The following NDUFAF6 variants were observed in gnomAD, a reference collection of about 807,000 sequenced individuals.
The protein encoded by NDUFAF6 is NADH:ubiquinone oxidoreductase complex assembly factor 6.
In NDUFAF6, 45 loss-of-function variants were observed where a neutral mutation model predicts 40.8. The observed-to-expected ratio is 1.10, with a 90% CI of 0.87 to 1.42. The LOEUF (loss-of-function observed/expected upper bound fraction) is 1.42. Ranked by LOEUF, NDUFAF6 falls within the 40% of genes most tolerant of loss-of-function variation. The pLI, the probability that NDUFAF6 is intolerant of heterozygous loss-of-function variation, is 0.00. For missense variants in NDUFAF6, 435 were observed against 418.5 expected, an observed-to-expected ratio of 1.04 and a Z score of -0.34; for synonymous variants, 185 against 155.9, an observed-to-expected ratio of 1.19 and a Z score of -1.39.
chr8:95,096,885 G>A (rs1185935471), upstream of NDUFAF6, among the ~76,000 whole-genome samples: 2 of 152,186 alleles, frequency 1.3e-5, no homozygotes, highest in Non-Finnish European at 2.9e-5. Flanking sequence ...GAAGGGGTTG[G>A]TTCTGTGTTT....
chr8:95,047,237 C>CT, intron 6 of NDUFAF6, 110 bp downstream of exon 6: 1 of 1,431,852 alleles, frequency 7.0e-7, no homozygotes, highest in Non-Finnish European at 9.7e-7. Flanking sequence ...GAAAGGAATG[C>CT]TTATTGCTTA....
At chr8:95,101,487 T>C (rs1809645504) in intron 2 of NDUFAF6, among the ~76,000 whole-genome samples, 1 of 152,182 alleles carries the variant, frequency 6.6e-6, no homozygotes, top group Admixed American at 6.5e-5. Flanking sequence ...CATTCCATTA[T>C]TGAACACTGA....
At chr8:94,908,743 A>G (rs888818277) in intron 1 of NDUFAF6, among the ~76,000 whole-genome samples, 1 of 152,204 alleles carries the variant, frequency 6.6e-6, no homozygotes, top group African/African-American at 2.4e-5. Context: ...GAGTCTTGCA[A>G]CAACTCTATG....
At chr8:95,054,152 G>T (rs1216251866) in intron 8 of NDUFAF6, among the ~76,000 whole-genome samples, 2 of 151,774 alleles carry the variant, frequency 1.3e-5, no homozygotes, top group African/African-American at 4.8e-5. Flanking sequence ...TCAGTATGTT[G>T]TCCAGGCTGG....
intron 2 of NDUFAF6, among the ~76,000 whole-genome samples, chr8:95,005,391 C>T (rs1826918481): frequency 6.6e-6 from 1 of 151,826 alleles, no homozygotes; most frequent in African/African-American, 2.4e-5. Flanking sequence ...TGGAATACCA[C>T]AGCAGATTTT....
intron 3 of NDUFAF6, among the ~76,000 whole-genome samples, chr8:95,035,898 C>T (rs1010786945): frequency 3.9e-5 from 6 of 152,328 alleles, no homozygotes; most frequent in Admixed American, 1.3e-4. Flanking sequence ...GTAAAATGTT[C>T]TGTTCTCTCT....
chr8:95,103,890 C>T (rs533106788), downstream of NDUFAF6, among the ~76,000 whole-genome samples: 4 of 152,294 alleles, frequency 2.6e-5, no homozygotes, highest in South Asian at 8.3e-4. Flanking sequence ...ATTGGGCTTA[C>T]CATTAAGGCT....
At chr8:94,903,788 T>G (rs1247582546) in intron 1 of NDUFAF6, among the ~76,000 whole-genome samples, 1 of 152,194 alleles carries the variant, frequency 6.6e-6, no homozygotes, top group Non-Finnish European at 1.5e-5. Flanking sequence ...AACTTGTTAG[T>G]TTTTAAGGCG....
At chr8:95,021,683 T>C (rs1827697909), upstream of NDUFAF6, among the ~76,000 whole-genome samples, 1 of 152,238 alleles carries the variant, frequency 6.6e-6, no homozygotes, top group African/African-American at 2.4e-5. Context: ...AGGGACAGCA[T>C]CTTTTGTTAT....
intron 1 of NDUFAF6, among the ~76,000 whole-genome samples, chr8:94,937,174 C>T (rs918154064): frequency 6.6e-6 from 1 of 152,154 alleles, no homozygotes. Context: ...ACACACTATA[C>T]AGCCCATAAT....
At chr8:95,027,406 C>G (rs1394018051) in intron 1 of NDUFAF6, among the ~76,000 whole-genome samples, 1 of 151,706 alleles carries the variant, frequency 6.6e-6, no homozygotes, top group African/African-American at 2.4e-5. Context: ...TAGTGGGACC[C>G]CTTCTCTACA....
chr8:94,959,792 G>A (rs1823411261), intron 1 of NDUFAF6, among the ~76,000 whole-genome samples: 1 of 152,104 alleles, frequency 6.6e-6, no homozygotes. Flanking sequence ...CTCTCGCCTT[G>A]CCCTCCCAAA....
chr8:95,056,131 T>C (rs1476364412), intron 8 of NDUFAF6, among the ~76,000 whole-genome samples: 1 of 152,258 alleles, frequency 6.6e-6, no homozygotes, highest in Non-Finnish European at 1.5e-5. Flanking sequence ...TTGTACATAT[T>C]ACTGTATCTA....
downstream of NDUFAF6, among the ~76,000 whole-genome samples, chr8:95,080,997 T>C (rs1039301876): frequency 6.6e-6 from 1 of 152,130 alleles, no homozygotes; most frequent in African/African-American, 2.4e-5. Context: ...GTGCTGATCT[T>C]CCAGCTTCTT....
rs1832448080 is a variant in NDUFAF6, at chr8:95,058,378, T to G, written c.*441T>G. ...CAGAACACCTGGAAGATGCATTTATTTAGGGGTCACAAATAGTGAAATTAA... is the reference window on the plus strand; with the variant it reads ...CAGAACACCTGGAAGATGCATTTATGTAGGGGTCACAAATAGTGAAATTAA... On this transcript the variant is annotated 3_prime_UTR_variant, in exon 9 of 9. Coordinates refer to ENST00000396124, the MANE Select transcript of NDUFAF6 (RefSeq NM_152416.4). 8.1e-7 allele frequency: 1 copy of G among 1,234,206 alleles called. No homozygotes were observed. The highest frequency in any genetic ancestry group is 4.1e-5 in the Admixed American group (1 of 24,164). 76.5% of individuals were successfully genotyped at this position (1,234,206 alleles called of 1,614,324 possible). A position where few individuals can be genotyped will look rare whatever the true frequency, so the allele number is the denominator to read the frequency against.
At chr8:95,009,200 T>TAA (rs530155825) in intron 2 of NDUFAF6, among the ~76,000 whole-genome samples, 7 of 133,936 alleles carry the variant, frequency 5.2e-5, no homozygotes, top group Admixed American at 7.6e-5. Context: ...ACCCTATCTC[T>TAA]AAAAAAAAAA....
Position 95,025,176 on chromosome 8 carries a change from CACTG to C in NDUFAF6, c.171_174del (p.Asp58ThrfsTer32). On this transcript the variant is annotated frameshift_variant, in exon 1 of 9. Transcript: ENST00000396124. LOFTEE classifies it high-confidence loss of function. ...CGGCCAGCGGACCGGGCGCCTGGGG[CACTG>C]ACCACTACTGCCTGGAGCTGCTGCG... 1 of 1,477,102 alleles carries C rather than the reference CACTG, an allele frequency of 6.8e-7. No homozygotes were observed. The highest frequency in any genetic ancestry group is 8.9e-7 in the Non-Finnish European group (1 of 1,125,632). 91.5% of individuals were successfully genotyped at this position (1,477,102 alleles called of 1,614,324 possible). A position where few individuals can be genotyped will look rare whatever the true frequency, so the allele number is the denominator to read the frequency against.
At position 95,005,554 on chromosome 8, in the gene NDUFAF6, A is replaced by ATATGT. The variant is rs1554657858; in HGVS notation, c.-84+24581_-84+24582insTATGT. 2.8e-4 allele frequency among the ~76,000 whole-genome samples: 32 copies of ATATGT among 115,338 alleles called. 2 individuals are homozygous for ATATGT. The highest frequency in any genetic ancestry group is 1.2e-3 in the African/African-American group (32 of 26,776). The allele number at this position is 115,338 out of a possible 152,430, so 75.7% of individuals were successfully genotyped here. On this transcript the variant is annotated intron_variant, in intron 2 of 9. Coordinates refer to the NDUFAF6 transcript ENST00000396111. The stretch of plus-strand genomic sequence containing the variant: ...ATATATATATATATATATATATATA[A>ATATGT]AAAATATATTAACATAAATAATATA...
chr8:94,997,417 A>G (rs1464380718), intron 2 of NDUFAF6, among the ~76,000 whole-genome samples: 1 of 152,102 alleles, frequency 6.6e-6, no homozygotes, highest in Non-Finnish European at 1.5e-5. Flanking sequence ...AAAAGGAAAA[A>G]TGATTTTTTC....
Sources: allele counts gnomAD v4.1 joint callset (sites outside exome capture counted in the v4.1 genomes callset), GRCh38; gene constraint gnomAD v4.1.1; transcripts MANE v1.5; gene names NCBI Gene and HGNC (gene_info 2026-07-23, HGNC 2026-07-21).